Variants in SLK observed in about 807,000 individuals in gnomAD.
The protein encoded by SLK is STE20 like kinase.
In SLK, 67 loss-of-function variants were observed where a neutral mutation model predicts 147.7. The ratio of observed to expected loss-of-function variants is 0.45; its 90% confidence interval spans 0.37 to 0.56. The LOEUF is 0.56. SLK is among the 20% of genes least tolerant of loss of function. The pLI is 0.00. For synonymous variants in SLK, 441 were observed against 475.0 expected (o/e 0.93, Z 0.93); for missense variants, 1,136 against 1,438.8 (o/e 0.79, Z 3.41).
intron 1 of SLK, among the ~76,000 whole-genome samples, chr10:103,984,925 C>G (rs1483179984): frequency 6.6e-6 from 1 of 152,120 alleles, no homozygotes; most frequent in Non-Finnish European, 1.5e-5. Flanking sequence ...TTCAGCAGAT[C>G]AACTCTTTTG....
chr10:104,005,940 C>T lies in SLK; in HGVS notation c.2509C>T (p.Leu837Phe), dbSNP rs1442976248. 6.2e-7 allele frequency: 1 copy of T among 1,610,554 alleles called. No individual in the cohort carries two copies. The highest frequency in any genetic ancestry group is 2.2e-5 in the East Asian group (1 of 44,832). Residue 837 changes from leucine (L) to phenylalanine (F), a missense_variant, in exon 11 of 19, where the codon CTT (leucine) becomes TTT (phenylalanine). By Grantham distance (22) the Leu-to-Phe change is conservative. Transcript: ENST00000369755. The part of the protein sequence containing the change: ...RRQELRELRF[L>F]QKEEQRAQQQ... ...TCAGGAACTTCGGGAATTAAGATTTCTTCAGAAAGAAGAGCAAAGAGCCCA... is the reference window on the plus strand; with the variant it reads ...TCAGGAACTTCGGGAATTAAGATTTTTTCAGAAAGAAGAGCAAAGAGCCCA...
intron 1 of SLK, among the ~76,000 whole-genome samples, chr10:103,986,400 A>G (rs2476963): frequency 1 from 152,245 of 152,250 alleles, 76,120 homozygotes; most frequent in Middle Eastern, 1. Flanking sequence ...TCACATACGC[A>G]GTTCACAATA....
At chr10:103,977,339 A>G (rs912995723) in intron 1 of SLK, among the ~76,000 whole-genome samples, 1 of 152,214 alleles carries the variant, frequency 6.6e-6, no homozygotes, top group African/African-American at 2.4e-5. Context: ...GGCCAGGTGC[A>G]GTGACTCATG....
In SLK at chr10:103,967,456, G is replaced by T. The variant is rs1407334190; in HGVS notation, c.-290G>T. On this transcript the variant is annotated 5_prime_UTR_variant, in exon 1 of 19. Coordinates refer to ENST00000369755, the MANE Select transcript of SLK (RefSeq NM_014720.4). ...GTCGGATCAGGCCGGGTGGGAGCGA[G>T]CTTGCGGGCAGGTGCCGCTCCCGGA... 1 of 150,604 alleles carries T rather than the reference G, an allele frequency of 6.6e-6. No homozygotes were observed. The highest frequency in any genetic ancestry group is 2.4e-5 in the African/African-American group (1 of 41,270). 9.3% of individuals were successfully genotyped at this position (150,604 alleles called of 1,614,324 possible).
chr10:104,011,045 ATCT>A lies in SLK; in HGVS notation c.2877+142_2877+144del. Reference sequence around the variant, plus strand: ...TTCTCCCCATTCAAAAACTCCTGGAATCTTCTTTATTTAATACTAAATTCCTAC... The same window carrying A: ...TTCTCCCCATTCAAAAACTCCTGGAATCTTTATTTAATACTAAATTCCTAC... On this transcript the variant is annotated intron_variant, in intron 13 of 18. Transcript: ENST00000369755. 3 of 473,120 alleles carry A rather than the reference ATCT, an allele frequency of 6.3e-6. No individual in the cohort carries two copies. The South Asian group carries it at 1.4e-4, about 23-fold the overall frequency. The allele number at this position is 473,120 out of a possible 1,614,324, so 29.3% of individuals were successfully genotyped here.
In SLK at chr10:103,985,486, G is replaced by A. The variant is rs985520457; in HGVS notation, c.151-5189G>A. On this transcript the variant is annotated intron_variant, in intron 1 of 18. Transcript: ENST00000369755. ...ACAATTAGGCTCTTCTTCTTTTGGTGGGGGGAAGAATACCTCAGCCTTGAG... is the reference window on the plus strand; with the variant it reads ...ACAATTAGGCTCTTCTTCTTTTGGTAGGGGGAAGAATACCTCAGCCTTGAG... Among the ~76,000 whole-genome samples the A allele has an allele frequency of 3.3e-5, 5 of 152,290 alleles. No homozygotes were observed. The East Asian group carries it at 9.6e-4, about 29-fold the overall frequency.
intron 2 of SLK, among the ~76,000 whole-genome samples, 189 bp from the exon 3 acceptor site, chr10:103,992,409 T>G (rs571997965): frequency 4.8e-4 from 73 of 152,132 alleles, no homozygotes; most frequent in African/African-American, 1.7e-3. Flanking sequence ...CACAGTGGGC[T>G]TTATCAAATG....
At position 104,002,393 on chromosome 10, in the gene SLK, G is replaced by C; in HGVS notation, c.1215G>C (p.Gln405His). ...EDINEHITDA[Q>H]LEAMTELHDR... ...TTAATGAACATATTACCGATGCTCA[G>C]TTAGAAGCAATGACTGAACTCCATG... The change falls in exon 9 of 19, where the codon CAG (glutamine) becomes CAC (histidine). Residue 405 changes from glutamine (Q) to histidine (H), a missense_variant. Transcript: ENST00000369755. 1 of 1,613,876 alleles carries C rather than the reference G, an allele frequency of 6.2e-7. No homozygotes were observed. The highest frequency in any genetic ancestry group is 8.5e-7 in the Non-Finnish European group (1 of 1,179,966).
chr10:103,996,889 T>A (rs1392425878), intron 4 of SLK, among the ~76,000 whole-genome samples: 1 of 152,246 alleles, frequency 6.6e-6, no homozygotes, highest in Non-Finnish European at 1.5e-5. Context: ...AGTCCTTTTT[T>A]AGCTTGCTTT....
intron 1 of SLK, 130 bp downstream of exon 1, chr10:103,968,025 T>A: frequency 1.1e-6 from 1 of 936,202 alleles, no homozygotes; most frequent in African/African-American, 1.7e-5. Context: ...GATGCAACTT[T>A]ACTTGGCTGA....
chr10:104,002,466 C>G lies in SLK; in HGVS notation c.1288C>G (p.Leu430Val), dbSNP rs1844262947. Residue 430 changes from leucine (L) to valine (V), a missense_variant, in exon 9 of 19, where the codon CTT (leucine) becomes GTT (valine). This residue lies in a region of SLK where 516 missense variants were observed against 531.3 expected (regional missense o/e 0.97). Coordinates refer to ENST00000369755, the MANE Select transcript of SLK (RefSeq NM_014720.4). ...KENEREKRPK[L>V]ENLPDTEDQE... ...GAATGAAAGAGAGAAGAGGCCCAAGCTTGAAAATCTGCCTGACACAGAAGA... is the reference window on the plus strand; with the variant it reads ...GAATGAAAGAGAGAAGAGGCCCAAGGTTGAAAATCTGCCTGACACAGAAGA... 6.2e-7 allele frequency: 1 copy of G among 1,613,750 alleles called. No homozygotes were observed. The highest frequency in any genetic ancestry group is 1.3e-5 in the African/African-American group (1 of 74,896).
intron 11 of SLK, among the ~76,000 whole-genome samples, chr10:104,007,059 A>G (rs1844335992): frequency 1.3e-5 from 2 of 152,150 alleles, no homozygotes; most frequent in African/African-American, 4.8e-5. Flanking sequence ...ATCTGTTCCA[A>G]TAGAATAAGG....
At chr10:103,973,831 C>G (rs1843825156) in intron 1 of SLK, among the ~76,000 whole-genome samples, 1 of 152,098 alleles carries the variant, frequency 6.6e-6, no homozygotes. Flanking sequence ...CTAAATATGT[C>G]TTTATTATAA....
At chr10:104,023,408 A>G (rs571745554) in intron 18 of SLK, among the ~76,000 whole-genome samples, 1 of 152,282 alleles carries the variant, frequency 6.6e-6, no homozygotes, top group Non-Finnish European at 1.5e-5. Context: ...CTCAGTACTG[A>G]CACTTACTGA....
rs1433522132 is a variant in SLK at position 104,008,240 on chromosome 10, G to A, written c.2668G>A (p.Glu890Lys). 1.9e-6 allele frequency: 3 copies of A among 1,613,762 alleles called. No homozygotes were observed. The highest frequency in any genetic ancestry group is 2.5e-6 in the Non-Finnish European group (3 of 1,179,924). The part of the protein sequence containing the change: ...NLEKQQKQTI[E>K]RLEQEHTNRL... ...AGAAAAACAGCAGAAACAGACTATC[G>A]AACGCCTGGAACAAGAGCACACAAA... The change falls in exon 12 of 19, where the codon GAA becomes AAA. Residue 890 changes from glutamate to lysine, a missense_variant. Physicochemically the swap from Glu to Lys is moderately conservative, Grantham distance 56 (BLOSUM62 1). Transcript: ENST00000369755.
intron 4 of SLK, among the ~76,000 whole-genome samples, chr10:103,994,976 C>T (rs1844147706): frequency 6.6e-6 from 1 of 152,094 alleles, no homozygotes; most frequent in Non-Finnish European, 1.5e-5. Context: ...TTTGATGTTG[C>T]ATCTATTGAG....
At chr10:104,004,271 AATTCCTAGGATTTTCTTACATGT>A (rs1055683843) in intron 9 of SLK, among the ~76,000 whole-genome samples, 2 of 152,108 alleles carry the variant, frequency 1.3e-5, no homozygotes, top group Non-Finnish European at 2.9e-5. Flanking sequence ...ATCTGCCCCA[AATTCCTAGGATTTTCTTACATGT>A]ATTCCTAGGA....
rs990575117 is a variant in SLK, at chr10:104,003,081, G to C, written c.1903G>C (p.Gly635Arg). 6.2e-7 allele frequency: 1 copy of C among 1,614,086 alleles called. No homozygotes were observed. The highest frequency in any genetic ancestry group is 1.7e-5 in the Admixed American group (1 of 60,008). Reference protein sequence around the residue: ...ENIMDINEEPGTTEGEEITES... With the variant: ...ENIMDINEEPRTTEGEEITES... ...CATAATGGACATCAATGAGGAACCAGGAACAACTGAAGGTGAAGAAATCAC... is the reference window on the plus strand; with the variant it reads ...CATAATGGACATCAATGAGGAACCACGAACAACTGAAGGTGAAGAAATCAC... Residue 635 changes from glycine to arginine, a missense_variant, in exon 9 of 19, where the codon GGA (glycine) becomes CGA (arginine). Physicochemically the swap from Gly to Arg is moderately radical, Grantham distance 125 (BLOSUM62 -2). This residue lies in a region of SLK where 516 missense variants were observed against 531.3 expected (regional missense o/e 0.97). Transcript: ENST00000369755.
In SLK at chr10:103,999,082, C is replaced by T. The variant is rs1844212271; in HGVS notation, c.588-37C>T. ...TACCATGTGTTTTGCAATCACTGTTCTTAAACATGTTAACTTTTAATTATC... is the reference window on the plus strand; with the variant it reads ...TACCATGTGTTTTGCAATCACTGTTTTTAAACATGTTAACTTTTAATTATC... On this transcript the variant is annotated intron_variant, in intron 5 of 18. Transcript: ENST00000369755. 6 of 1,577,826 alleles carry T rather than the reference C, an allele frequency of 3.8e-6. No individual in the cohort carries two copies. In the South Asian group the frequency reaches 6.9e-5, roughly 18 times the overall value.
Sources: gnomAD v4.1 joint callset for allele counts (sites outside exome capture counted in the v4.1 genomes callset) on GRCh38, gnomAD v4.1.1 for gene constraint, gnomAD v4.1.1 regional missense constraint, MANE v1.5 for transcripts, NCBI Gene and HGNC (gene_info 2026-07-23, HGNC 2026-07-21) for gene names.